The following HNRNPL variants were observed in gnomAD, a reference collection of about 807,000 sequenced individuals.
The protein encoded by HNRNPL is epididymis secretory sperm binding protein.
HNRNPL carries 12 observed loss-of-function variants against 64.0 expected under a neutral mutation model. That is an observed-to-expected ratio of 0.19 (90% CI 0.12 to 0.30). The LOEUF (loss-of-function observed/expected upper bound fraction) is 0.30, where lower values mean the gene tolerates loss of function less well. Among genes scored for constraint, HNRNPL ranks in the 10% least tolerant of loss-of-function variants. The pLI is 1.00. For missense variants in HNRNPL, 484 were observed against 797.4 expected, an observed-to-expected ratio of 0.61 and a Z score of 4.73; for synonymous variants, 385 against 313.0, an observed-to-expected ratio of 1.23 and a Z score of -2.43.
upstream of HNRNPL, among the ~76,000 whole-genome samples, chr19:38,850,782 G>C (rs909358848): frequency 6.6e-6 from 1 of 152,174 alleles, no homozygotes; most frequent in Non-Finnish European, 1.5e-5. Context: ...TCCCAAATCT[G>C]AGCCTTTTCC....
At chr19:38,845,587 G>A (rs1972266350) in intron 4 of HNRNPL, 63 bp downstream of exon 4, 12 of 1,325,414 alleles carry the variant, frequency 9.1e-6, no homozygotes, top group Non-Finnish European at 1.3e-5. Context: ...TCAAAGAATG[G>A]CCACTGTCAA....
intron 1 of HNRNPL, among the ~76,000 whole-genome samples, chr19:38,847,908 G>C (rs926024898): frequency 6.6e-6 from 1 of 152,136 alleles, no homozygotes; most frequent in Non-Finnish European, 1.5e-5. Context: ...CCATCATCTA[G>C]CTAAGCACAC....
At chr19:38,850,522 G>T (rs117873552), upstream of HNRNPL, among the ~76,000 whole-genome samples, 1 of 152,296 alleles carries the variant, frequency 6.6e-6, no homozygotes, top group African/African-American at 2.4e-5. Flanking sequence ...CTGTTGATAC[G>T]CTCTGATTGG....
At chr19:38,841,205 G>A (rs998743668) in intron 6 of HNRNPL, 16 of 260,712 alleles carry the variant, frequency 6.1e-5, no homozygotes, top group Non-Finnish European at 1.1e-4. Flanking sequence ...GATCCACCCC[G>A]ACCCCAGCAG....
intron 2 of HNRNPL, among the ~76,000 whole-genome samples, chr19:38,847,086 G>C (rs562425691): frequency 6.6e-6 from 1 of 152,226 alleles, no homozygotes; most frequent in South Asian, 2.1e-4. Context: ...CTGAAAAAGA[G>C]AACACTGACT....
chr19:38,839,219 G>T, intron 8 of HNRNPL: 1 of 575,016 alleles, frequency 1.7e-6, no homozygotes, highest in Non-Finnish European at 3.1e-6. Flanking sequence ...TTTAACTGTG[G>T]GACATAACCC....
intron 1 of HNRNPL, among the ~76,000 whole-genome samples, chr19:38,848,493 G>A (rs955431058): frequency 2.0e-5 from 3 of 152,314 alleles, no homozygotes; most frequent in Admixed American, 6.5e-5. Flanking sequence ...AAAAGCCTCT[G>A]GTCATCAGGA....
At chr19:38,847,467 C>G (rs764802397) in intron 1 of HNRNPL, 33 bp from the exon 2 acceptor site, 8 of 1,370,336 alleles carry the variant, frequency 5.8e-6, no homozygotes, top group Non-Finnish European at 7.9e-6. Flanking sequence ...GAATTATTTT[C>G]TTGCTGTACA....
At chr19:38,836,937 C>A in intron 12 of HNRNPL, 157 bp from the exon 13 acceptor site, 1 of 587,670 alleles carries the variant, frequency 1.7e-6, no homozygotes, top group Non-Finnish European at 3.1e-6. Flanking sequence ...AGCCAATTAC[C>A]AATTATGCAC....
Position 38,844,110 on chromosome 19 carries a change from T to C in HNRNPL, c.711-6A>G. 1 of 1,596,856 alleles carries C rather than the reference T, an allele frequency of 6.3e-7. No individual in the cohort carries two copies. The highest frequency in any genetic ancestry group is 8.6e-7 in the Non-Finnish European group (1 of 1,164,400). ...CACTTTGAACTGAGTCAAATGTGAG[T>C]CAAGTTAAGGAAAGTCCCATCACAG... On this transcript the variant is annotated splice_region_variant and splice_polypyrimidine_tract_variant and intron_variant, in intron 4 of 12. Coordinates refer to ENST00000221419, the MANE Select transcript of HNRNPL (RefSeq NM_001533.3).
At chr19:38,846,256 C>G (rs1972291580) in intron 2 of HNRNPL, among the ~76,000 whole-genome samples, 166 bp from the exon 3 acceptor site, 1 of 152,138 alleles carries the variant, frequency 6.6e-6, no homozygotes, top group Non-Finnish European at 1.5e-5. Flanking sequence ...TACCAAAAGC[C>G]AAAGAGGTCT....
rs145845405 is a variant in HNRNPL at position 38,848,345 on chromosome 19, A to G, written c.268-911T>C. On this transcript the variant is annotated intron_variant, in intron 1 of 12. Coordinates refer to ENST00000221419, the MANE Select transcript of HNRNPL (RefSeq NM_001533.3). ...TGACCTCAGGTAATCTGCCTGCCTC[A>G]GCCTCCCAAAGTGCTGGGATTATAG... is the stretch of plus-strand genomic sequence containing the variant. Among the ~76,000 whole-genome samples the G allele has an allele frequency of 3.7e-3, 561 of 152,286 alleles. 2 individuals are homozygous for G. The highest frequency in any genetic ancestry group is 0.013 in the African/African-American group (532 of 41,556).
At chr19:38,838,320 G>A (rs1427674847) in intron 10 of HNRNPL, 77 bp downstream of exon 10, 4 of 1,260,444 alleles carry the variant, frequency 3.2e-6, no homozygotes, top group Admixed American at 1.9e-5. Context: ...GCTATTTGCA[G>A]AAAAGACTGA....
At chr19:38,847,852 C>A (rs1469061639) in intron 1 of HNRNPL, among the ~76,000 whole-genome samples, 1 of 152,192 alleles carries the variant, frequency 6.6e-6, no homozygotes, top group African/African-American at 2.4e-5. Flanking sequence ...GAGGACATCC[C>A]CTTTGCATGT....
chr19:38,847,458 A>C, intron 1 of HNRNPL, 24 bp from the exon 2 acceptor site: 1 of 1,409,568 alleles, frequency 7.1e-7, no homozygotes, highest in South Asian at 1.4e-5. Flanking sequence ...CAAAAACAAG[A>C]ATTATTTTCT....
In HNRNPL at chr19:38,846,081, C is replaced by G. The variant is rs1231800406; in HGVS notation, c.396G>C (p.Val132=). 3.1e-6 allele frequency: 5 copies of G among 1,610,412 alleles called. No homozygotes were observed. The highest frequency in any genetic ancestry group is 4.2e-6 in the Non-Finnish European group (5 of 1,176,664). ...LQEFGPISYV[V]VMPKKRQALV... is the part of the protein sequence containing the mutation. ...GTGCTTGTCTCTTTTTAGGCATTAC[C>G]ACCACATAGCTGGCAGAGAGAACAC... Residue 132 remains valine, a synonymous_variant, in exon 3 of 13, where the codon GTG becomes GTC. Transcript: ENST00000221419.
chr19:38,844,217 G>A (rs994702972), intron 4 of HNRNPL, 113 bp from the exon 5 acceptor site: 24 of 704,612 alleles, frequency 3.4e-5, no homozygotes, highest in African/African-American at 1.8e-4. Context: ...ACAGACGGAA[G>A]CTTTGGGATT....
rs374649312 is a variant in HNRNPL, at chr19:38,847,348, A to G, written c.354T>C (p.Leu118=). 2 of 1,544,266 alleles carry G rather than the reference A, an allele frequency of 1.3e-6. No homozygotes were observed. The highest frequency in any genetic ancestry group is 1.8e-6 in the Non-Finnish European group (2 of 1,141,912). The stretch of plus-strand genomic sequence containing the variant: ...GTCCAAACTCCTGCAAGGCCTCCAC[A>G]AGGTCTGCTTCCACCACACCGTCAA... ...GLIDGVVEAD[L]VEALQEFGPI... Residue 118 remains leucine (L), a synonymous_variant, in exon 2 of 13, where the codon CTT becomes CTC. Coordinates refer to ENST00000221419, the MANE Select transcript of HNRNPL (RefSeq NM_001533.3).
intron 10 of HNRNPL, 138 bp from the exon 11 acceptor site, chr19:38,837,789 A>G (rs1473275483): frequency 1.5e-6 from 1 of 687,662 alleles, no homozygotes; most frequent in Non-Finnish European, 2.5e-6. Flanking sequence ...ACATACCCTA[A>G]GGCATCCCTG....
Sources: allele counts gnomAD v4.1 joint callset (sites outside exome capture counted in the v4.1 genomes callset), GRCh38; gene constraint gnomAD v4.1.1; transcripts MANE v1.5; gene names NCBI Gene and HGNC (gene_info 2026-07-23, HGNC 2026-07-21).